Variants in ROBO1 observed in about 807,000 individuals in gnomAD.
ROBO1 encodes roundabout guidance receptor 1.
Under a neutral mutation model 195.9 loss-of-function variants are expected in ROBO1, and 149 were observed. The observed-to-expected ratio is 0.76, with a 90% CI of 0.67 to 0.87. The LOEUF (loss-of-function observed/expected upper bound fraction) is 0.87, where lower values mean the gene tolerates loss of function less well. ROBO1 is among the 40% of genes least tolerant of loss of function. The pLI, the probability that ROBO1 is intolerant of heterozygous loss-of-function variation, is 0.00. For synonymous variants in ROBO1, 816 were observed against 733.2 expected (o/e 1.11, Z -1.82); for missense variants, 1,933 against 2,068.3 (o/e 0.93, Z 1.27).
At chr3:79,474,036 C>T (rs577061817) in intron 2 of ROBO1, among the ~76,000 whole-genome samples, 81 of 152,106 alleles carry the variant, frequency 5.3e-4, no homozygotes, top group African/African-American at 1.8e-3. Flanking sequence ...TTAATATGAA[C>T]AGACATATTA....
At chr3:79,001,885 T>C (rs971084788) in intron 3 of ROBO1, among the ~76,000 whole-genome samples, 6 of 152,174 alleles carry the variant, frequency 3.9e-5, no homozygotes, top group African/African-American at 1.2e-4. Flanking sequence ...CATAAACTTA[T>C]TTAATTTTCA....
chr3:79,258,704 A>C (rs1253375528), intron 2 of ROBO1, among the ~76,000 whole-genome samples: 2 of 152,150 alleles, frequency 1.3e-5, no homozygotes, highest in Non-Finnish European at 2.9e-5. Flanking sequence ...CTGATGTTTA[A>C]TCTCTTAAAT....
At chr3:79,519,205 C>T (rs572194628) in intron 2 of ROBO1, among the ~76,000 whole-genome samples, 1 of 152,252 alleles carries the variant, frequency 6.6e-6, no homozygotes, top group Non-Finnish European at 1.5e-5. Flanking sequence ...ATGATAAGAT[C>T]TTTAAGAAAC....
chr3:78,659,526 T>G (rs1164317402), intron 17 of ROBO1, among the ~76,000 whole-genome samples, 160 bp downstream of exon 17: 1 of 152,120 alleles, frequency 6.6e-6, no homozygotes, highest in Non-Finnish European at 1.5e-5. Flanking sequence ...TCAAAATCAC[T>G]GAATAAACAA....
At chr3:78,851,948 T>G (rs993959525) in intron 4 of ROBO1, among the ~76,000 whole-genome samples, 1 of 152,040 alleles carries the variant, frequency 6.6e-6, no homozygotes, top group South Asian at 2.1e-4. Context: ...GGATAATATA[T>G]TAAACAGTAT....
chr3:79,544,024 T>C (rs1280472403), intron 2 of ROBO1, among the ~76,000 whole-genome samples: 1 of 152,040 alleles, frequency 6.6e-6, no homozygotes, highest in Non-Finnish European at 1.5e-5. Context: ...AGTGACACCC[T>C]GGGGTACAGG....
At chr3:79,530,634 C>T (rs1941610202) in intron 2 of ROBO1, among the ~76,000 whole-genome samples, 1 of 152,094 alleles carries the variant, frequency 6.6e-6, no homozygotes, top group Admixed American at 6.6e-5. Context: ...CATGGCTACT[C>T]TTGTCAAAAT....
intron 3 of ROBO1, among the ~76,000 whole-genome samples, chr3:78,988,211 A>C (rs977726819): frequency 6.6e-6 from 1 of 152,048 alleles, no homozygotes; most frequent in Admixed American, 6.6e-5. Flanking sequence ...TTCTTTTACA[A>C]CTTAATTCGA....
At chr3:78,899,730 T>A (rs544222238) in intron 4 of ROBO1, among the ~76,000 whole-genome samples, 1 of 152,280 alleles carries the variant, frequency 6.6e-6, no homozygotes, top group South Asian at 2.1e-4. Context: ...AGATTTTTAA[T>A]CACTATTTCT....
In ROBO1 at chr3:78,714,523, A is replaced by G; in HGVS notation, c.919T>C (p.Tyr307His). 1.2e-6 allele frequency: 2 copies of G among 1,609,264 alleles called. No homozygotes were observed. Residue 307 changes from tyrosine to histidine, a missense_variant and splice_region_variant, in exon 8 of 31, where the codon TAT becomes CAT. This residue lies in a region of ROBO1 where 1,737 missense variants were observed against 1,882.5 expected (regional missense o/e 0.92). Transcript: ENST00000464233. Reference protein sequence around the residue: ...KDDGELPKSRYEIRDDHTLKI... With the variant: ...KDDGELPKSRHEIRDDHTLKI... ...AAGGTATGATCATCTCGGATTTCAT[A>G]TCTAATGACATAACAAAAGAAAGCA...
chr3:78,983,209 T>A (rs994929205), intron 3 of ROBO1, among the ~76,000 whole-genome samples: 1 of 152,224 alleles, frequency 6.6e-6, no homozygotes, highest in African/African-American at 2.4e-5. Flanking sequence ...TTTAATGTGC[T>A]AATCGCAGCT....
intron 3 of ROBO1, among the ~76,000 whole-genome samples, chr3:78,992,066 GA>G (rs1207972115): frequency 7.2e-5 from 11 of 152,108 alleles, no homozygotes; most frequent in Admixed American, 2.0e-4. Context: ...GGCCTACAAA[GA>G]AAACAGTCCA....
intron 1 of ROBO1, among the ~76,000 whole-genome samples, chr3:79,606,155 T>A (rs994026702): frequency 7.0e-6 from 1 of 143,740 alleles, no homozygotes; most frequent in Non-Finnish European, 1.5e-5. Context: ...AATTTACTCA[T>A]TTAAAAAAAA....
intron 2 of ROBO1, among the ~76,000 whole-genome samples, chr3:79,313,799 TGA>T (rs924186069): frequency 2.0e-5 from 3 of 152,128 alleles, no homozygotes; most frequent in African/African-American, 7.2e-5. Flanking sequence ...GGTAAACAGA[TGA>T]ATAAGAATGA....
intron 3 of ROBO1, among the ~76,000 whole-genome samples, chr3:79,051,669 G>A (rs1444388407): frequency 3.9e-5 from 6 of 151,992 alleles, no homozygotes; most frequent in South Asian, 2.1e-4. Context: ...AAAATGTTGC[G>A]GGAAGTCAGG....
At chr3:78,976,992 C>A (rs2076897745) in intron 3 of ROBO1, among the ~76,000 whole-genome samples, 1 of 152,118 alleles carries the variant, frequency 6.6e-6, no homozygotes. Flanking sequence ...CTTTAAATTT[C>A]TTCATGCTAT....
chr3:79,679,091 C>T (rs1165049284), intron 1 of ROBO1, among the ~76,000 whole-genome samples: 2 of 151,704 alleles, frequency 1.3e-5, no homozygotes, highest in Non-Finnish European at 2.9e-5. Flanking sequence ...CCCCTTAATC[C>T]CACAAATTAC....
intron 10 of ROBO1, among the ~76,000 whole-genome samples, chr3:78,673,020 A>T (rs148890829): frequency 4.5e-4 from 69 of 152,336 alleles, no homozygotes; most frequent in African/African-American, 1.7e-3. Flanking sequence ...ATGTAAGTGT[A>T]GCTAGAGTAA....
intron 4 of ROBO1, chr3:78,937,866 T>C (rs768240775): frequency 6.6e-6 from 1 of 152,124 alleles, no homozygotes; most frequent in African/African-American, 2.4e-5. Flanking sequence ...TTAGAAATGG[T>C]TTAAAACCCT....
Sources: gnomAD v4.1 joint callset for allele counts (sites outside exome capture counted in the v4.1 genomes callset) on GRCh38, gnomAD v4.1.1 for gene constraint, gnomAD v4.1.1 regional missense constraint, MANE v1.5 for transcripts, NCBI Gene and HGNC (gene_info 2026-07-23, HGNC 2026-07-21) for gene names.